AOAH: variants seen among roughly 807,000 people sequenced by gnomAD.
AOAH encodes the protein acyloxyacyl hydrolase (neutrophil).
In AOAH, 64 loss-of-function variants were observed where a neutral mutation model predicts 92.2. That is an observed-to-expected ratio of 0.69 (90% CI 0.57 to 0.86). AOAH has a LOEUF of 0.86. Among genes scored for constraint, AOAH ranks in the 40% least tolerant of loss-of-function variants. The pLI is 0.00. For missense variants in AOAH, 656 were observed against 694.6 expected (o/e 0.94, Z 0.62); for synonymous variants, 263 against 254.5 (o/e 1.03, Z -0.32).
intron 19 of AOAH, among the ~76,000 whole-genome samples, chr7:36,527,679 T>C (rs749902378): frequency 9.2e-5 from 14 of 152,210 alleles, no homozygotes; most frequent in Non-Finnish European, 2.1e-4. Context: ...GTTATTTCTA[T>C]CCTACATACA....
chr7:36,571,721 G>A (rs28672833), intron 13 of AOAH, among the ~76,000 whole-genome samples: 54,345 of 152,012 alleles, frequency 0.36, 10,949 homozygotes, highest in East Asian at 0.52. Context: ...GCTGCCCCCA[G>A]CTACCCTCCT....
intron 3 of AOAH, among the ~76,000 whole-genome samples, chr7:36,671,631 C>G (rs1487338297): frequency 6.9e-6 from 1 of 145,654 alleles, no homozygotes; most frequent in Non-Finnish European, 1.5e-5. Context: ...GTGTGTGCAT[C>G]TGTGTGTGTG....
chr7:36,546,971 G>A (rs1785844353), intron 15 of AOAH, among the ~76,000 whole-genome samples: 1 of 152,194 alleles, frequency 6.6e-6, no homozygotes, highest in Non-Finnish European at 1.5e-5. Flanking sequence ...AGACAGTGTG[G>A]ACTATAGACA....
intron 13 of AOAH, among the ~76,000 whole-genome samples, chr7:36,564,380 T>G (rs1167758704): frequency 6.6e-6 from 1 of 152,186 alleles, no homozygotes; most frequent in Non-Finnish European, 1.5e-5. Context: ...TCCTTGAAGG[T>G]GGGGGCTTTG....
chr7:36,650,861 C>T (rs956683843), intron 4 of AOAH, among the ~76,000 whole-genome samples: 8 of 152,124 alleles, frequency 5.3e-5, no homozygotes, highest in Admixed American at 1.3e-4. Flanking sequence ...TGTGTTCAGA[C>T]GGTATCAAAG....
intron 15 of AOAH, among the ~76,000 whole-genome samples, chr7:36,544,216 A>C (rs1785636041): frequency 1.3e-5 from 2 of 151,962 alleles, no homozygotes. Flanking sequence ...AAATGCTGGG[A>C]TTACAGGCAT....
At chr7:36,601,588 G>C (rs1790605558) in intron 11 of AOAH, among the ~76,000 whole-genome samples, 1 of 152,164 alleles carries the variant, frequency 6.6e-6, no homozygotes, top group Non-Finnish European at 1.5e-5. Context: ...CTTAATAATA[G>C]TACCTATCTC....
chr7:36,543,855 G>A (rs2116238531), intron 15 of AOAH, among the ~76,000 whole-genome samples: 1 of 152,108 alleles, frequency 6.6e-6, no homozygotes, highest in Non-Finnish European at 1.5e-5. Flanking sequence ...TGATTCATGG[G>A]ACGATCACCC....
chr7:36,673,961 C>T lies in AOAH; in HGVS notation c.272G>A (p.Gly91Glu). 1 of 1,610,568 alleles carries T rather than the reference C, an allele frequency of 6.2e-7. No homozygotes were observed. Among genetic ancestry groups the T allele is most frequent in the Non-Finnish European group, 8.5e-7 (1 of 1,177,266 alleles). ...TTCYLVIDKF[G>E]SDIIKLLSAD... Reference sequence around the variant, plus strand: ...TACTCACAGTTTTATGATGTCTGATCCAAACTTGTCAATGACTAAATAGCA... The same window carrying T: ...TACTCACAGTTTTATGATGTCTGATTCAAACTTGTCAATGACTAAATAGCA... Residue 91 changes from glycine to glutamate, a missense_variant, in exon 3 of 21, where the codon GGA becomes GAA. Gly to Glu is a moderately conservative substitution (Grantham distance 98). Coordinates refer to ENST00000617537, the MANE Select transcript of AOAH (RefSeq NM_001637.4).
Position 36,524,767 on chromosome 7 carries a change from A to AT in AOAH, c.1523-2653dup, listed in dbSNP as rs1312693027. On this transcript the variant is annotated intron_variant, in intron 19 of 20. Coordinates refer to ENST00000617537, the MANE Select transcript of AOAH (RefSeq NM_001637.4). Reference sequence around the variant, plus strand: ...TTTTTTTTTTAAACCATGTGAGGATATGATGAGAAGTTGGCAGTCGGCAAC... The same window carrying AT: ...TTTTTTTTTTAAACCATGTGAGGATATTGATGAGAAGTTGGCAGTCGGCAAC... Among the ~76,000 whole-genome samples the AT allele has an allele frequency of 2.6e-5, 4 of 151,844 alleles. No homozygotes were observed. In the East Asian group the frequency reaches 7.7e-4, roughly 29 times the overall value.
chr7:36,515,356 CCA>C (rs1192644915), intron 20 of AOAH, among the ~76,000 whole-genome samples: 6 of 121,112 alleles, frequency 5.0e-5, no homozygotes, highest in East Asian at 2.8e-4. Context: ...TCACACACCC[CCA>C]CACACACACC....
chr7:36,693,328 C>A (rs1797523100), intron 1 of AOAH, among the ~76,000 whole-genome samples: 1 of 152,092 alleles, frequency 6.6e-6, no homozygotes, highest in South Asian at 2.1e-4. Context: ...GTTACAGTAA[C>A]CTTCTATGTG....
intron 13 of AOAH, among the ~76,000 whole-genome samples, chr7:36,567,364 G>C (rs1207975972): frequency 6.6e-6 from 1 of 152,090 alleles, no homozygotes; most frequent in Admixed American, 6.5e-5. Context: ...CAGGGCTTAA[G>C]GTATACCCCT....
intron 1 of AOAH, among the ~76,000 whole-genome samples, chr7:36,689,818 A>G (rs1562700172): frequency 6.6e-6 from 1 of 152,208 alleles, no homozygotes; most frequent in Non-Finnish European, 1.5e-5. Context: ...CTTGCAATCA[A>G]TGGCATAATA....
intron 1 of AOAH, among the ~76,000 whole-genome samples, chr7:36,706,921 G>T (rs1441770752): frequency 6.6e-6 from 1 of 152,108 alleles, no homozygotes; most frequent in Non-Finnish European, 1.5e-5. Context: ...TGGGTGGTTT[G>T]ATATTCTATC....
At chr7:36,610,158 G>GAAAAAA (rs1491223447) in intron 11 of AOAH, among the ~76,000 whole-genome samples, 1 of 31,602 alleles carries the variant, frequency 3.2e-5, no homozygotes, top group African/African-American at 1.6e-4. Flanking sequence ...CTCCATAATA[G>GAAAAAA]CAAAAAAAAA....
At chr7:36,698,908 T>G (rs1367154179) in intron 1 of AOAH, among the ~76,000 whole-genome samples, 1 of 152,124 alleles carries the variant, frequency 6.6e-6, no homozygotes, top group African/African-American at 2.4e-5. Context: ...GTATTATTTC[T>G]TCTATCTAGG....
At chr7:36,546,483 C>T (rs1329944317) in intron 15 of AOAH, among the ~76,000 whole-genome samples, 2 of 152,190 alleles carry the variant, frequency 1.3e-5, no homozygotes, top group African/African-American at 4.8e-5. Context: ...TTCTTTCACC[C>T]AAATGCTTGC....
At chr7:36,562,622 G>C (rs755940686) in intron 13 of AOAH, among the ~76,000 whole-genome samples, 1 of 152,106 alleles carries the variant, frequency 6.6e-6, no homozygotes, top group Non-Finnish European at 1.5e-5. Flanking sequence ...GAAGAGAAAG[G>C]TTTCACATAA....
Sources: allele counts gnomAD v4.1 joint callset (sites outside exome capture counted in the v4.1 genomes callset), GRCh38; gene constraint gnomAD v4.1.1; transcripts MANE v1.5; gene names NCBI Gene and HGNC (gene_info 2026-07-23, HGNC 2026-07-21).